FAM118B: variants seen among roughly 807,000 people sequenced by gnomAD.
FAM118B encodes protein FAM118B.
FAM118B carries 24 observed loss-of-function variants against 38.5 expected under a neutral mutation model. That is an observed-to-expected ratio of 0.62 (90% CI 0.45 to 0.88). The LOEUF (loss-of-function observed/expected upper bound fraction) is 0.88, where lower values mean the gene tolerates loss of function less well. Ranked by LOEUF, FAM118B falls within the 40% of genes least tolerant of loss-of-function variation. The pLI is 0.00. For synonymous variants in FAM118B, 138 were observed against 156.3 expected, an observed-to-expected ratio of 0.88 and a Z score of 0.87; for missense variants, 334 against 420.0, an observed-to-expected ratio of 0.80 and a Z score of 1.79.
chr11:126,228,407 C>T (rs571822477), intron 1 of FAM118B, among the ~76,000 whole-genome samples: 11 of 151,818 alleles, frequency 7.2e-5, no homozygotes, highest in Non-Finnish European at 2.9e-5. Context: ...GCCATGTTGG[C>T]CAGGCTGGTC....
At chr11:126,258,639 G>A (rs560101565) in intron 7 of FAM118B, among the ~76,000 whole-genome samples, 95 of 152,308 alleles carry the variant, frequency 6.2e-4, no homozygotes, top group African/African-American at 2.2e-3. Context: ...GTCCTGCAGT[G>A]TTCTAGACTC....
chr11:126,234,463 A>G (rs1181568132), intron 2 of FAM118B, among the ~76,000 whole-genome samples: 1 of 152,248 alleles, frequency 6.6e-6, no homozygotes, highest in Non-Finnish European at 1.5e-5. Flanking sequence ...TTAGAGAGAC[A>G]TGCCCCACTG....
chr11:126,234,956 C>T, intron 2 of FAM118B, 39 bp from the exon 3 acceptor site: 3 of 1,479,790 alleles, frequency 2.0e-6, no homozygotes, highest in Non-Finnish European at 1.9e-6. Context: ...GTATACTTTA[C>T]AGATCTAATT....
intron 3 of FAM118B, among the ~76,000 whole-genome samples, chr11:126,236,248 A>G (rs1950273266): frequency 6.6e-6 from 1 of 152,182 alleles, no homozygotes; most frequent in Non-Finnish European, 1.5e-5. Flanking sequence ...ATGTCCTTGC[A>G]TAGCCTCCTA....
chr11:126,222,880 G>A (rs1950083003), intron 1 of FAM118B, among the ~76,000 whole-genome samples: 1 of 152,220 alleles, frequency 6.6e-6, no homozygotes, highest in Non-Finnish European at 1.5e-5. Flanking sequence ...ACTCGCCCTA[G>A]AAGGGCTTTT....
intron 4 of FAM118B, among the ~76,000 whole-genome samples, chr11:126,243,071 T>G (rs1268901054): frequency 6.6e-6 from 1 of 152,148 alleles, no homozygotes; most frequent in Admixed American, 6.5e-5. Flanking sequence ...GGATGAACCT[T>G]GAAAACATTA....
In FAM118B at chr11:126,252,329, C is replaced by A. The variant is rs1438424609; in HGVS notation, c.567+1596C>A. 6.6e-6 allele frequency among the ~76,000 whole-genome samples: 1 copy of A among 152,180 alleles called. No individual in the cohort carries two copies. The highest frequency in any genetic ancestry group is 2.4e-5 in the African/African-American group (1 of 41,450). On this transcript the variant is annotated intron_variant, in intron 5 of 8. Coordinates refer to ENST00000533050, the MANE Select transcript of FAM118B (RefSeq NM_024556.4). The surrounding 1 kb of genome is among the most constrained non-coding windows in gnomAD (Gnocchi z 4.7). ...GTTTATCTGTTTTCTGACTGTTTAC[C>A]CCATAGGAATAGTAACTTCACTTGG...
intron 3 of FAM118B, among the ~76,000 whole-genome samples, chr11:126,236,668 A>G (rs1950278328): frequency 6.6e-6 from 1 of 151,972 alleles, no homozygotes; most frequent in African/African-American, 2.4e-5. Flanking sequence ...TTCCATTACA[A>G]TGTTTTTTCT....
chr11:126,225,847 G>A (rs1479502566), intron 1 of FAM118B, among the ~76,000 whole-genome samples: 1 of 152,146 alleles, frequency 6.6e-6, no homozygotes, highest in African/African-American at 2.4e-5. Context: ...GGGCGTGGTG[G>A]TGGGCGCTTA....
intron 4 of FAM118B, chr11:126,245,292 A>AC (rs1950405459): frequency 6.6e-6 from 1 of 152,082 alleles, no homozygotes; most frequent in African/African-American, 2.4e-5. Flanking sequence ...TAAAAAAAAA[A>AC]ATTAAAACTT....
chr11:126,249,731 C>CAAAAAAAAA (rs71048775), intron 4 of FAM118B, among the ~76,000 whole-genome samples: 10 of 79,006 alleles, frequency 1.3e-4, no homozygotes, highest in East Asian at 4.0e-4. Context: ...GACTCCGTCT[C>CAAAAAAAAA]AAAAAAAAAA....
intron 2 of FAM118B, among the ~76,000 whole-genome samples, chr11:126,232,389 G>A (rs182284776): frequency 3.3e-5 from 5 of 152,112 alleles, no homozygotes; most frequent in African/African-American, 4.8e-5. Flanking sequence ...ACAATGCCTC[G>A]TAAGGTTATG....
chr11:126,254,866 G>A (rs1950552654), intron 6 of FAM118B, among the ~76,000 whole-genome samples: 1 of 152,148 alleles, frequency 6.6e-6, no homozygotes, highest in African/African-American at 2.4e-5. Context: ...CGTTCTTCCT[G>A]TGCTTCTTAA....
intron 3 of FAM118B, among the ~76,000 whole-genome samples, chr11:126,237,413 T>TA (rs1291936348): frequency 1.4e-5 from 2 of 146,818 alleles, no homozygotes; most frequent in African/African-American, 2.5e-5. Flanking sequence ...TTTATTTATT[T>TA]TTTAAATAAA....
chr11:126,247,962 C>T (rs1950440878), intron 4 of FAM118B, among the ~76,000 whole-genome samples: 1 of 145,138 alleles, frequency 6.9e-6, no homozygotes, highest in African/African-American at 2.5e-5. Context: ...CTCACAGACA[C>T]ACACTATCAA....
Position 126,256,227 on chromosome 11 carries a change from C to T in FAM118B, c.697-340C>T, listed in dbSNP as rs184136947. On this transcript the variant is annotated intron_variant, in intron 6 of 8. Coordinates refer to ENST00000533050, the MANE Select transcript of FAM118B (RefSeq NM_024556.4). The surrounding 1 kb of genome is among the most constrained non-coding windows in gnomAD (Gnocchi z 6.6). ...GTTGCAGTAAGCCGAGGTCACACCA[C>T]TACACTCTAGCCCAGGTGAAAGAGT... Among the ~76,000 whole-genome samples, 48 of 152,348 alleles carry T rather than the reference C, an allele frequency of 3.2e-4. No individual in the cohort carries two copies. Among genetic ancestry groups the T allele is most frequent in the Middle Eastern group, 6.8e-3 (2 of 294 alleles).
rs138136621 is a variant in FAM118B, at chr11:126,235,023, G to A, written c.22G>A (p.Ala8Thr). ...CTGGATGGCTTCTACAGGGAGCCAG[G>A]CCTCTGATATAGACGAGATTTTTGG... Reference protein sequence around the residue: MASTGSQASDIDEIFGFF... With the variant: MASTGSQTSDIDEIFGFF... The change falls in exon 3 of 9, where the codon GCC (alanine) becomes ACC (threonine). Residue 8 changes from alanine to threonine, a missense_variant. By Grantham distance (58) the Ala-to-Thr change is moderately conservative. Around this residue, in one of 3 missense-constraint regions of FAM118B, gnomAD observed 240 missense variants for 295.9 expected, o/e 0.81. Coordinates refer to ENST00000533050, the MANE Select transcript of FAM118B (RefSeq NM_024556.4). 1.5e-4 allele frequency: 243 copies of A among 1,614,082 alleles called. No homozygotes were observed. In the African/African-American group the frequency reaches 1.9e-3, roughly 12 times the overall value.
chr11:126,235,403 A>G (rs1002016776), intron 3 of FAM118B, among the ~76,000 whole-genome samples: 10 of 151,828 alleles, frequency 6.6e-5, no homozygotes, highest in African/African-American at 2.4e-4. Flanking sequence ...TTTTGGTTTT[A>G]TTGATTTCTG....
At chr11:126,240,690 C>CTA in intron 3 of FAM118B, 102 bp from the exon 4 acceptor site, 3 of 1,233,626 alleles carry the variant, frequency 2.4e-6, no homozygotes, top group Non-Finnish European at 3.3e-6. Flanking sequence ...TTCTTTGCAA[C>CTA]TATAAAAGTT....
Sources: allele counts gnomAD v4.1 joint callset (sites outside exome capture counted in the v4.1 genomes callset), GRCh38; gene constraint gnomAD v4.1.1; regional missense constraint gnomAD v4.1.1; non-coding constraint Gnocchi (gnomAD v3.1); transcripts MANE v1.5; gene names NCBI Gene and HGNC (gene_info 2026-07-23, HGNC 2026-07-21).